The following LRRK2 variants were observed in gnomAD, a reference collection of about 807,000 sequenced individuals.
LRRK2 encodes the protein leucine-rich repeat serine/threonine-protein kinase 2.
A neutral mutation model predicts 302.6 loss-of-function variants in LRRK2; 203 were observed. The ratio of observed to expected loss-of-function variants is 0.67; its 90% CI spans 0.60 to 0.75. The LOEUF (loss-of-function observed/expected upper bound fraction) is 0.75. Ranked by LOEUF, LRRK2 falls within the 30% of genes least tolerant of loss-of-function variation. LRRK2 has a pLI of 0.00. For synonymous variants in LRRK2, 1,066 were observed against 1,031.9 expected, an observed-to-expected ratio of 1.03 and a Z score of -0.63; for missense variants, 2,830 against 2,951.0, an observed-to-expected ratio of 0.96 and a Z score of 0.95.
At chr12:40,260,910 T>C (rs1316546764) in intron 13 of LRRK2, among the ~76,000 whole-genome samples, 5 of 152,202 alleles carry the variant, frequency 3.3e-5, no homozygotes, top group Non-Finnish European at 2.9e-5. Context: ...TTTTGCTTTG[T>C]TCTTTTAAAA....
chr12:40,317,029 A>G (rs1217746817), intron 33 of LRRK2, among the ~76,000 whole-genome samples: 1 of 152,058 alleles, frequency 6.6e-6, no homozygotes, highest in African/African-American at 2.4e-5. Flanking sequence ...CTTATACAGT[A>G]GAATAAGGAA....
intron 33 of LRRK2, among the ~76,000 whole-genome samples, chr12:40,317,087 A>G (rs183662280): frequency 6.6e-6 from 1 of 152,070 alleles, no homozygotes; most frequent in Non-Finnish European, 1.5e-5. Flanking sequence ...GATTTTCACT[A>G]TGACTGCAAT....
intron 47 of LRRK2, among the ~76,000 whole-genome samples, chr12:40,359,694 G>C (rs1227958372): frequency 6.6e-6 from 1 of 152,018 alleles, no homozygotes; most frequent in African/African-American, 2.4e-5. Context: ...AATCTTAGTA[G>C]TATTTATCAA....
At chr12:40,353,089 G>GC (rs978251671) in intron 44 of LRRK2, among the ~76,000 whole-genome samples, 1 of 148,818 alleles carries the variant, frequency 6.7e-6, no homozygotes, top group Non-Finnish European at 1.5e-5. Context: ...GGCGGGGGCT[G>GC]CCCCCCACCT....
intron 31 of LRRK2, among the ~76,000 whole-genome samples, chr12:40,311,991 A>C (rs934141396): frequency 6.6e-6 from 1 of 151,750 alleles, no homozygotes; most frequent in Non-Finnish European, 1.5e-5. Context: ...CTATACCCAT[A>C]CTTCAATAAC....
chr12:40,307,738 T>G (rs921460864), intron 28 of LRRK2, among the ~76,000 whole-genome samples: 1 of 151,628 alleles, frequency 6.6e-6, no homozygotes, highest in African/African-American at 2.4e-5. Flanking sequence ...TTTGTGAAAT[T>G]TTGAACTTTA....
rs1365121289 is a variant in LRRK2 at position 40,318,154 on chromosome 12, C to CTGG, written c.4828-1834_4828-1833insTGG. Among the ~76,000 whole-genome samples, 3 of 151,994 alleles carry CTGG rather than the reference C, an allele frequency of 2.0e-5. No individual in the cohort carries two copies. In the East Asian group the frequency reaches 5.8e-4, roughly 29 times the overall value. On this transcript the variant is annotated intron_variant, in intron 33 of 50. Transcript: ENST00000298910. ...TTTTTCTGTCCTCTTAAAGGCTAGG[C>CTGG]CAAGGACTGGCAAAAATATTAATTC... is the stretch of plus-strand genomic sequence containing the variant.
At chr12:40,241,811 A>G (rs1592147722) in intron 6 of LRRK2, among the ~76,000 whole-genome samples, 1 of 152,210 alleles carries the variant, frequency 6.6e-6, no homozygotes, top group Admixed American at 6.5e-5. Context: ...CCCTTGTGAA[A>G]GAATGCTTTT....
intron 12 of LRRK2, 97 bp from the exon 13 acceptor site, chr12:40,259,383 T>C: frequency 6.9e-7 from 1 of 1,439,774 alleles, no homozygotes; most frequent in Admixed American, 1.7e-5. Context: ...CCTGATAAAA[T>C]ATATTGGTTC....
At position 40,324,693 on chromosome 12, in the gene LRRK2, C is replaced by T. The variant is rs17491333; in HGVS notation, c.5656+1387C>T. ...TTAAAGCTAAATAAACTCCTTTATA[C>T]CCCTCTTATTGGCATTGATTGGGAA... On this transcript the variant is annotated intron_variant, in intron 38 of 50. Transcript: ENST00000298910. Among the ~76,000 whole-genome samples the T allele has an allele frequency of 4.1e-3, 623 of 152,230 alleles. 8 individuals carry two copies. Among genetic ancestry groups the T allele is most frequent in the African/African-American group, 0.014 (596 of 41,534 alleles).
chr12:40,354,510 A>T lies in LRRK2; in HGVS notation c.6770+18A>T, dbSNP rs1053987934. 1 of 1,602,488 alleles carries T rather than the reference A, an allele frequency of 6.2e-7. No individual in the cohort carries two copies. The highest frequency in any genetic ancestry group is 8.5e-7 in the Non-Finnish European group (1 of 1,170,076). ...AAGCAAAGGTATGGTAGTGAATTTG[A>T]TCAATGGGGAAATTACAGATCTTTT... On this transcript the variant is annotated intron_variant, in intron 45 of 50. Coordinates refer to ENST00000298910, the MANE Select transcript of LRRK2 (RefSeq NM_198578.4).
In LRRK2 at chr12:40,351,648, A is replaced by G. The variant is rs1946357285; in HGVS notation, c.6491A>G (p.Asn2164Ser). 1.9e-6 allele frequency: 3 copies of G among 1,614,098 alleles called. No individual in the cohort carries two copies. Among genetic ancestry groups the G allele is most frequent in the African/African-American group, 2.7e-5 (2 of 74,930 alleles). ...CMVATHHNSR[N>S]ASIWLGCGHT... Reference sequence around the variant, plus strand: ...GTTGCTACACATCACAACAGCAGGAATGCAAGCATTTGGCTGGGCTGTGGG... The same window carrying G: ...GTTGCTACACATCACAACAGCAGGAGTGCAAGCATTTGGCTGGGCTGTGGG... Residue 2164 changes from asparagine to serine, a missense_variant, in exon 44 of 51, where the codon AAT becomes AGT. Transcript: ENST00000298910.
At chr12:40,226,172 C>G (rs1033467104) in intron 2 of LRRK2, among the ~76,000 whole-genome samples, 6 of 151,948 alleles carry the variant, frequency 3.9e-5, no homozygotes, top group Admixed American at 3.9e-4. Flanking sequence ...CTTATGAGAC[C>G]CTCATAGTTT....
Position 40,353,137 on chromosome 12 carries a change from C to G in LRRK2, c.6577-1162C>G, listed in dbSNP as rs1353551691. ...GGCTGCCCAGCGGAGACGCTCCTCA[C>G]TTCCCAGACGGGGCGGCTGCTGGGC... On this transcript the variant is annotated intron_variant, in intron 44 of 50. Transcript: ENST00000298910. 2.0e-5 allele frequency among the ~76,000 whole-genome samples: 3 copies of G among 151,864 alleles called. No individual in the cohort carries two copies. In the East Asian group the frequency reaches 5.9e-4, roughly 30 times the overall value.
At chr12:40,359,516 A>G in intron 47 of LRRK2, 72 bp downstream of exon 47, 1 of 1,160,670 alleles carries the variant, frequency 8.6e-7, no homozygotes, top group South Asian at 1.4e-5. Context: ...CATTAATAAT[A>G]CTGTTGATAA....
At chr12:40,239,410 G>A (rs1016402194) in intron 5 of LRRK2, among the ~76,000 whole-genome samples, 7 of 152,186 alleles carry the variant, frequency 4.6e-5, no homozygotes, top group African/African-American at 1.7e-4. Flanking sequence ...TGTCTTGCAG[G>A]GTCTGTAATC....
chr12:40,228,363 C>T (rs1941003104), intron 2 of LRRK2, among the ~76,000 whole-genome samples: 1 of 146,230 alleles, frequency 6.8e-6, no homozygotes, highest in Non-Finnish European at 1.5e-5. Flanking sequence ...TTTTCATGTA[C>T]CTGTTAGCCA....
intron 33 of LRRK2, among the ~76,000 whole-genome samples, chr12:40,319,303 C>G (rs1051831374): frequency 2.0e-5 from 3 of 151,958 alleles, no homozygotes. Context: ...AATCAAATAC[C>G]TTTCCCAAGG....
chr12:40,367,177 T>C (rs1011069618), intron 50 of LRRK2, 100 bp downstream of exon 50: 3 of 995,226 alleles, frequency 3.0e-6, no homozygotes, highest in Non-Finnish European at 1.5e-6. Flanking sequence ...TTACATATGG[T>C]ATAATCAGGA....
Sources: gnomAD v4.1 joint callset for allele counts (sites outside exome capture counted in the v4.1 genomes callset) on GRCh38, gnomAD v4.1.1 for gene constraint, MANE v1.5 for transcripts, NCBI Gene and HGNC (gene_info 2026-07-23, HGNC 2026-07-21) for gene names.